CACNA1E: variants seen among roughly 807,000 people sequenced by gnomAD.
CACNA1E encodes the protein voltage-dependent R-type calcium channel subunit alpha-1E.
CACNA1E carries 40 observed loss-of-function variants against 259.2 expected under a neutral mutation model. That is an observed-to-expected ratio of 0.15 (90% CI 0.12 to 0.20). CACNA1E has a LOEUF of 0.20. CACNA1E is among the 10% of genes least tolerant of loss of function. CACNA1E has a pLI of 1.00. For synonymous variants in CACNA1E, 1,104 were observed against 1,138.5 expected, an observed-to-expected ratio of 0.97 and a Z score of 0.61; for missense variants, 1,874 against 3,040.1, an observed-to-expected ratio of 0.62 and a Z score of 9.02.
chr1:181,743,436 C>T (rs1656766507), intron 25 of CACNA1E, among the ~76,000 whole-genome samples: 1 of 152,238 alleles, frequency 6.6e-6, no homozygotes, highest in African/African-American at 2.4e-5. Context: ...AAGATGGTTA[C>T]AGCCTTGGCA....
At chr1:181,744,215 G>A (rs1194344239) in intron 25 of CACNA1E, among the ~76,000 whole-genome samples, 2 of 152,260 alleles carry the variant, frequency 1.3e-5, no homozygotes, top group African/African-American at 2.4e-5. Context: ...TAGTCACTGA[G>A]ATGGATAAGG....
At chr1:181,397,125 A>T (rs1656730569) in intron 1 of CACNA1E, among the ~76,000 whole-genome samples, 1 of 152,176 alleles carries the variant, frequency 6.6e-6, no homozygotes, top group African/African-American at 2.4e-5. Context: ...ACAGACCTTC[A>T]CAGTAAAAAA....
chr1:181,327,253 ATG>A (rs1271309270), intron 1 of CACNA1E, among the ~76,000 whole-genome samples: 1 of 152,146 alleles, frequency 6.6e-6, no homozygotes, highest in African/African-American at 2.4e-5. Flanking sequence ...AATCTCCCCT[ATG>A]ATGGGGTCAT....
chr1:181,420,542 C>T (rs894893702), intron 2 of CACNA1E, among the ~76,000 whole-genome samples: 9 of 152,152 alleles, frequency 5.9e-5, no homozygotes, highest in Non-Finnish European at 1.3e-4. Context: ...CATGAATTAG[C>T]TGTTATTATT....
At chr1:181,590,151 T>A (rs1652484819) in intron 6 of CACNA1E, among the ~76,000 whole-genome samples, 1 of 152,122 alleles carries the variant, frequency 6.6e-6, no homozygotes, top group Non-Finnish European at 1.5e-5. Context: ...GCTTTCCCTG[T>A]TGATTGACAT....
chr1:181,403,217 AT>A (rs1237260418), intron 1 of CACNA1E, among the ~76,000 whole-genome samples: 1 of 151,330 alleles, frequency 6.6e-6, no homozygotes, highest in Non-Finnish European at 1.5e-5. Context: ...ATTTCATAAG[AT>A]TTTTTTCGAG....
intron 6 of CACNA1E, among the ~76,000 whole-genome samples, chr1:181,637,764 C>T (rs968631908): frequency 2.6e-5 from 4 of 152,072 alleles, no homozygotes; most frequent in African/African-American, 9.7e-5. Flanking sequence ...CAGTGTAGGG[C>T]ATAAGGGAGT....
chr1:181,663,821 ACCATTTGC>A (rs979815196), intron 7 of CACNA1E, among the ~76,000 whole-genome samples: 9 of 152,182 alleles, frequency 5.9e-5, no homozygotes, highest in African/African-American at 2.2e-4. Context: ...AATTCCTTAT[ACCATTTGC>A]CCATTTTCCC....
At chr1:181,654,982 C>CAAAAAAAAAAAAA in intron 7 of CACNA1E, among the ~76,000 whole-genome samples, 1 of 53,400 alleles carries the variant, frequency 1.9e-5, no homozygotes, top group Non-Finnish European at 4.4e-5. Flanking sequence ...GACTCCATCT[C>CAAAAAAAAAAAAA]AAAAAAAAAA....
In CACNA1E at chr1:181,798,890, GA is replaced by G; in HGVS notation, c.*58del. ...CTCTCACATGGAGAAAACCAAGACAGAATTGGGAAGCCAGTGCGGCCCGGGG... is the reference window on the plus strand; with the variant it reads ...CTCTCACATGGAGAAAACCAAGACAGATTGGGAAGCCAGTGCGGCCCGGGG... On this transcript the variant is annotated 3_prime_UTR_variant, in exon 48 of 48. Coordinates refer to ENST00000367573, the MANE Select transcript of CACNA1E (RefSeq NM_001205293.3). The surrounding 1 kb of genome is among the most constrained non-coding windows in gnomAD (Gnocchi z 4.2). The G allele has an allele frequency of 7.0e-7, 1 of 1,436,520 alleles. No individual in the cohort carries two copies. Among genetic ancestry groups the G allele is most frequent in the Non-Finnish European group, 9.1e-7 (1 of 1,094,222 alleles). The allele number at this position is 1,436,520 out of a possible 1,614,324, so 89.0% of individuals were successfully genotyped here.
chr1:181,564,357 T>G (rs1166140211), intron 3 of CACNA1E, among the ~76,000 whole-genome samples: 1 of 152,176 alleles, frequency 6.6e-6, no homozygotes, highest in Non-Finnish European at 1.5e-5. Flanking sequence ...TCATCAGGAG[T>G]AGATTTTACC....
Position 181,776,691 on chromosome 1 carries a change from A to G in CACNA1E, c.5267+463A>G, listed in dbSNP as rs1660002793. On this transcript the variant is annotated intron_variant, in intron 38 of 47. Transcript: ENST00000367573. The surrounding 1 kb of genome is among the most constrained non-coding windows in gnomAD (Gnocchi z 4.4). ...ATAACTCTGAAATTATTTTTTAAAA[A>G]CCAAACAAGTTGTTCTTCCAACTGT... is the stretch of plus-strand genomic sequence containing the variant. Among the ~76,000 whole-genome samples the G allele has an allele frequency of 6.6e-6, 1 of 152,336 alleles. No homozygotes were observed. The highest frequency in any genetic ancestry group is 2.1e-4 in the South Asian group (1 of 4,832).
intron 3 of CACNA1E, among the ~76,000 whole-genome samples, chr1:181,574,764 C>T (rs1650780334): frequency 6.6e-6 from 1 of 152,164 alleles, no homozygotes; most frequent in Admixed American, 6.5e-5. Flanking sequence ...TGGTGGCTCA[C>T]ACCTGTAATC....
chr1:181,636,016 C>G (rs143143797), intron 6 of CACNA1E, among the ~76,000 whole-genome samples: 128 of 152,264 alleles, frequency 8.4e-4, no homozygotes, highest in Middle Eastern at 3.4e-3. Context: ...AGTATACAAC[C>G]AACTCCTTGC....
At chr1:181,725,697 G>A (rs1256454121) in intron 17 of CACNA1E, among the ~76,000 whole-genome samples, 2 of 152,238 alleles carry the variant, frequency 1.3e-5, no homozygotes, top group African/African-American at 4.8e-5. Flanking sequence ...ATCACTTCCA[G>A]ACACTGTAGG....
At chr1:181,526,483 A>G (rs896639391) in intron 3 of CACNA1E, among the ~76,000 whole-genome samples, 17 of 150,950 alleles carry the variant, frequency 1.1e-4, no homozygotes, top group African/African-American at 3.2e-4. Context: ...GTTGGTCTGG[A>G]TGTCAAAATC....
intron 1 of CACNA1E, among the ~76,000 whole-genome samples, chr1:181,328,733 C>T (rs543692884): frequency 1.9e-4 from 29 of 152,218 alleles, no homozygotes; most frequent in Non-Finnish European, 3.8e-4. Context: ...GCAAGTCTAA[C>T]CCTGAGTGAC....
At chr1:181,339,270 T>C (rs1476375019) in intron 1 of CACNA1E, among the ~76,000 whole-genome samples, 1 of 152,186 alleles carries the variant, frequency 6.6e-6, no homozygotes, top group African/African-American at 2.4e-5. Flanking sequence ...ATTTTAACAA[T>C]ATTAATTCTT....
At chr1:181,505,034 G>C (rs1451768702) in intron 1 of CACNA1E, among the ~76,000 whole-genome samples, 1 of 152,106 alleles carries the variant, frequency 6.6e-6, no homozygotes, top group Non-Finnish European at 1.5e-5. Context: ...GATGTCTTTT[G>C]CAAGTTTCAA....
Sources: gnomAD v4.1 joint callset for allele counts (sites outside exome capture counted in the v4.1 genomes callset) on GRCh38, gnomAD v4.1.1 for gene constraint, Gnocchi (gnomAD v3.1) non-coding constraint, MANE v1.5 for transcripts, NCBI Gene and HGNC (gene_info 2026-07-23, HGNC 2026-07-21) for gene names.